MYO1F: variants seen among roughly 807,000 people sequenced by gnomAD.
MYO1F encodes the protein unconventional myosin-If.
Under a neutral mutation model 146.6 loss-of-function variants are expected in MYO1F, and 60 were observed. The ratio of observed to expected loss-of-function variants is 0.41; its 90% CI spans 0.33 to 0.51. MYO1F has a LOEUF of 0.51. MYO1F is among the 20% of genes least tolerant of loss of function. The probability of loss-of-function intolerance (pLI) is 0.25; values close to 1 mark genes in which losing one functional copy is unlikely to be tolerated. For synonymous variants in MYO1F, 602 were observed against 602.1 expected, an observed-to-expected ratio of 1.00 and a Z score of 0.00; for missense variants, 1,274 against 1,534.3, an observed-to-expected ratio of 0.83 and a Z score of 2.83.
intron 1 of MYO1F, among the ~76,000 whole-genome samples, chr19:8,556,662 T>G (rs1490232328): frequency 1.4e-5 from 2 of 144,846 alleles, no homozygotes. Flanking sequence ...CCAAGACGGG[T>G]GGATCACCTG....
chr19:8,543,675 CTGGTGGTGGTGGTGGTGGTGGTGG>C (rs1191447239), intron 14 of MYO1F, among the ~76,000 whole-genome samples: 17 of 36,196 alleles, frequency 4.7e-4, no homozygotes, highest in South Asian at 2.6e-3. Flanking sequence ...GGTGGTGGTG[CTGGTGGTGGTGGTGGTGGTGGTGG>C]TGGTGGTGCT....
At chr19:8,543,173 G>C (rs1449431746) in intron 14 of MYO1F, among the ~76,000 whole-genome samples, 1 of 152,222 alleles carries the variant, frequency 6.6e-6, no homozygotes, top group Non-Finnish European at 1.5e-5. Context: ...CAAAGTGCTG[G>C]GATTACAGGC....
rs369077601 is a variant in MYO1F, at chr19:8,574,577, TTC to T, written c.3+2728_3+2729del. Among the ~76,000 whole-genome samples the T allele has an allele frequency of 1.0e-3, 83 of 79,784 alleles. 2 individuals carry two copies. The highest frequency in any genetic ancestry group is 3.5e-3 in the African/African-American group (62 of 17,844). 52.3% of individuals were successfully genotyped at this position (79,784 alleles called of 152,430 possible). Reference sequence around the variant, plus strand: ...TTTCTTTCTTTCTTTCTTTCTTTCTTTCTCTCTCTCTCTCTCTCTCTTTCTTT... The same window carrying T: ...TTTCTTTCTTTCTTTCTTTCTTTCTTTCTCTCTCTCTCTCTCTCTTTCTTT... On this transcript the variant is annotated intron_variant, in intron 1 of 27. Coordinates refer to ENST00000644032, the MANE Select transcript of MYO1F (RefSeq NM_012335.4).
rs1972055592 is a variant in MYO1F, at chr19:8,521,395, G to A, written c.*133C>T. ...GGTGACCCAGGGCCTGGGCAGGACT[G>A]GAGGCCAAAGGACTGGACTTTTAGG... On this transcript the variant is annotated 3_prime_UTR_variant, in exon 28 of 28. Coordinates refer to ENST00000644032, the MANE Select transcript of MYO1F (RefSeq NM_012335.4). 1 of 943,594 alleles carries A rather than the reference G, an allele frequency of 1.1e-6. No individual in the cohort carries two copies. The highest frequency in any genetic ancestry group is 1.7e-6 in the Non-Finnish European group (1 of 597,250). 58.5% of individuals were successfully genotyped at this position (943,594 alleles called of 1,614,324 possible). A position where few individuals can be genotyped will look rare whatever the true frequency, so the allele number is the denominator to read the frequency against.
intron 1 of MYO1F, among the ~76,000 whole-genome samples, chr19:8,574,910 C>T (rs2042209077): frequency 6.6e-6 from 1 of 150,658 alleles, no homozygotes; most frequent in African/African-American, 2.4e-5. Flanking sequence ...CGCGCACCAC[C>T]ACGACTGGCT....
chr19:8,539,362 C>T (rs141246249), intron 16 of MYO1F, among the ~76,000 whole-genome samples: 12 of 151,878 alleles, frequency 7.9e-5, no homozygotes, highest in African/African-American at 1.2e-4. Flanking sequence ...TGTGGTGAGC[C>T]GAGATCACGC....
intron 25 of MYO1F, chr19:8,525,181 C>T (rs1158621571): frequency 3.9e-6 from 1 of 257,870 alleles, no homozygotes; most frequent in East Asian, 6.0e-5. Flanking sequence ...GCCTGGGAGA[C>T]AGAGTTGGAC....
intron 1 of MYO1F, among the ~76,000 whole-genome samples, chr19:8,567,779 T>C (rs1384841683): frequency 6.6e-6 from 1 of 152,206 alleles, no homozygotes; most frequent in Non-Finnish European, 1.5e-5. Flanking sequence ...CCCAGGCTGG[T>C]CTGTATCAGA....
chr19:8,533,243 C>T (rs112342819), intron 19 of MYO1F, among the ~76,000 whole-genome samples: 1 of 151,784 alleles, frequency 6.6e-6, no homozygotes, highest in Non-Finnish European at 1.5e-5. Flanking sequence ...TGTCCAGACT[C>T]GTCTGGAACT....
In MYO1F at chr19:8,530,110, T is replaced by A. The variant is rs1972418585; in HGVS notation, c.2328+86A>T. The A allele has an allele frequency of 6.4e-7, 1 of 1,559,564 alleles. No homozygotes were observed. The highest frequency in any genetic ancestry group is 1.7e-5 in the Admixed American group (1 of 59,766). ...ACAGATGGATCTAGGCTGGGGGATA[T>A]CTGGCTGTGGGCAGGTGCATCTGGG... is the stretch of plus-strand genomic sequence containing the variant. On this transcript the variant is annotated intron_variant, in intron 21 of 27. Coordinates refer to ENST00000644032, the MANE Select transcript of MYO1F (RefSeq NM_012335.4). This position sits in a 1 kb window ranked among gnomAD's most constrained non-coding sequence, Gnocchi z 5.8.
In MYO1F at chr19:8,544,000, T is replaced by TGGC. The variant is rs1973207563; in HGVS notation, c.1524+296_1524+297insGCC. 3.4e-3 allele frequency: 528 copies of TGGC among 154,828 alleles called. 34 individuals are homozygous for TGGC. The highest frequency in any genetic ancestry group is 0.033 in the African/African-American group (373 of 11,148). 9.6% of individuals were successfully genotyped at this position (154,828 alleles called of 1,614,324 possible). A position where few individuals can be genotyped will look rare whatever the true frequency, so the allele number is the denominator to read the frequency against. ...GTGCTGGTGCTGGTGGTGGTGCTGG[T>TGGC]GGTGGCGGTGGCGGTGGCGGTGGCG... On this transcript the variant is annotated intron_variant, in intron 14 of 27. Transcript: ENST00000644032.
At chr19:8,543,437 T>A (rs1174786707) in intron 14 of MYO1F, among the ~76,000 whole-genome samples, 1 of 149,766 alleles carries the variant, frequency 6.7e-6, no homozygotes, top group Non-Finnish European at 1.5e-5. Context: ...CTCTCCAAAT[T>A]GGGATCAGAA....
chr19:8,527,632 A>C (rs1972323630), intron 21 of MYO1F, 149 bp from the exon 22 acceptor site: 2 of 975,770 alleles, frequency 2.0e-6, no homozygotes, highest in African/African-American at 3.3e-5. Context: ...TCTGTTTTGT[A>C]GACAGGGTCT....
In MYO1F at chr19:8,541,983, G is replaced by A. The variant is rs758790784; in HGVS notation, c.1533C>T (p.Tyr511=). ...VIHHYAGKVS[Y]DVSGFCERNR... ...TCCTCTCGCAGAAGCCGCTGACGTC[G>A]TAGGAGACCTGGAGGGGACAGTGCT... Residue 511 remains tyrosine (Y), a synonymous_variant, in exon 15 of 28, where the codon TAC becomes TAT. Coordinates refer to ENST00000644032, the MANE Select transcript of MYO1F (RefSeq NM_012335.4). The A allele has an allele frequency of 1.2e-5, 20 of 1,611,964 alleles. No homozygotes were observed. Among genetic ancestry groups the A allele is most frequent in the South Asian group, 5.5e-5 (5 of 91,082 alleles).
At chr19:8,560,542 G>C (rs1974047528) in intron 1 of MYO1F, among the ~76,000 whole-genome samples, 1 of 151,838 alleles carries the variant, frequency 6.6e-6, no homozygotes, top group African/African-American at 2.4e-5. Context: ...CGCACAGGAG[G>C]CTGGGCTGGT....
chr19:8,535,782 C>G (rs1972680148), intron 19 of MYO1F, among the ~76,000 whole-genome samples: 1 of 151,864 alleles, frequency 6.6e-6, no homozygotes, highest in Non-Finnish European at 1.5e-5. Flanking sequence ...TGGGTTCAAG[C>G]CATTCTTCTG....
chr19:8,551,005 C>T (rs994414146), intron 8 of MYO1F, among the ~76,000 whole-genome samples: 12 of 151,866 alleles, frequency 7.9e-5, no homozygotes, highest in African/African-American at 2.4e-4. Flanking sequence ...CTCCGCCTCC[C>T]GAGTAGCTGG....
intron 27 of MYO1F, among the ~76,000 whole-genome samples, chr19:8,522,049 G>A (rs1486807842): frequency 6.8e-6 from 1 of 146,876 alleles, no homozygotes; most frequent in Non-Finnish European, 1.5e-5. Flanking sequence ...TTGAGACGGA[G>A]TCTCGCTCTA....
At chr19:8,534,412 A>G (rs1418621608) in intron 19 of MYO1F, among the ~76,000 whole-genome samples, 3 of 150,890 alleles carry the variant, frequency 2.0e-5, no homozygotes, top group East Asian at 2.0e-4. Context: ...GGTTCGAGCA[A>G]TTCTCCTGCC....
Sources: gnomAD v4.1 joint callset for allele counts (sites outside exome capture counted in the v4.1 genomes callset) on GRCh38, gnomAD v4.1.1 for gene constraint, Gnocchi (gnomAD v3.1) non-coding constraint, MANE v1.5 for transcripts, NCBI Gene and HGNC (gene_info 2026-07-23, HGNC 2026-07-21) for gene names.